ANKMY1: variants seen among roughly 807,000 people sequenced by gnomAD.
ANKMY1 encodes the protein ankyrin repeat and MYND domain containing 1, also known as ankyrin repeat and MYND domain-containing protein 1.
ANKMY1 carries 98 observed loss-of-function variants against 102.0 expected under a neutral mutation model. The ratio of observed to expected loss-of-function variants is 0.96; its 90% CI spans 0.82 to 1.14. The LOEUF is 1.14. Among genes scored for constraint, ANKMY1 ranks in the 50% most tolerant of loss-of-function variants. The probability of loss-of-function intolerance (pLI) is 0.00; values close to 1 mark genes in which losing one functional copy is unlikely to be tolerated. For missense variants in ANKMY1, 1,330 were observed against 1,347.6 expected (o/e 0.99, Z 0.20); for synonymous variants, 582 against 559.9 (o/e 1.04, Z -0.56).
chr2:240,517,047 C>G (rs1299204555), intron 9 of ANKMY1, among the ~76,000 whole-genome samples: 1 of 152,206 alleles, frequency 6.6e-6, no homozygotes, highest in Non-Finnish European at 1.5e-5. Context: ...GTCTTCCTGA[C>G]TTCTCCAGAA....
the ANKMY1 span, among the ~76,000 whole-genome samples, chr2:240,471,856 C>T: frequency 6.6e-6 from 1 of 152,138 alleles, no homozygotes; most frequent in South Asian, 2.1e-4. Context: ...ATGGCCTCAT[C>T]CCCCTATGGA....
intron 5 of ANKMY1, chr2:240,526,755 T>C (rs2083527057): frequency 3.9e-6 from 5 of 1,292,068 alleles, no homozygotes; most frequent in Non-Finnish European, 5.0e-6. Flanking sequence ...TGCTAAGAAA[T>C]GGGCTGTAAC....
chr2:240,547,965 G>A (rs900643118), intron 4 of ANKMY1, among the ~76,000 whole-genome samples: 15 of 133,964 alleles, frequency 1.1e-4, no homozygotes, highest in Non-Finnish European at 1.6e-4. Context: ...TCCTTCTGAA[G>A]CTATTCGAAT....
chr2:240,484,592 T>TA (rs949771498), intron 15 of ANKMY1, among the ~76,000 whole-genome samples: 1 of 152,078 alleles, frequency 6.6e-6, no homozygotes, highest in African/African-American at 2.4e-5. Context: ...CCTAAAGCCA[T>TA]AAAAACGCTA....
chr2:240,544,118 C>A (rs11694894), intron 4 of ANKMY1, among the ~76,000 whole-genome samples: 19,760 of 151,924 alleles, frequency 0.13, 1,363 homozygotes, highest in Middle Eastern at 0.17. Flanking sequence ...AGAAAGGAAC[C>A]AGTAAGTAGG....
upstream of ANKMY1, chr2:240,560,471 T>C: frequency 2.9e-6 from 2 of 682,276 alleles, no homozygotes; most frequent in Non-Finnish European, 2.1e-6. Context: ...GGCCCAAACC[T>C]CCCGCCATGC....
In ANKMY1 at chr2:240,529,171, G is replaced by T; in HGVS notation, c.819C>A (p.Ser273Arg). The change falls in exon 5 of 18, where the codon AGC becomes AGA. Residue 273 changes from serine (S) to arginine (R), a missense_variant. Physicochemically the swap from Ser to Arg is moderately radical, Grantham distance 110. Coordinates refer to ENST00000401804, the MANE Select transcript of ANKMY1 (RefSeq NM_001282771.3). This position sits in a 1 kb window ranked among gnomAD's most constrained non-coding sequence, Gnocchi z 4.2. ...STNSDHLPMT[S>R]SFRKELDARI... ...GGGCGTCCAGCTCTTTGCGGAAAGAGCTTGTCATGGGCAGGTGGTCACTGT... is the reference window on the plus strand; with the variant it reads ...GGGCGTCCAGCTCTTTGCGGAAAGATCTTGTCATGGGCAGGTGGTCACTGT... The T allele has an allele frequency of 6.2e-7, 1 of 1,614,168 alleles. No homozygotes were observed. The highest frequency in any genetic ancestry group is 1.1e-5 in the South Asian group (1 of 91,082).
chr2:240,508,374 A>T (rs1466138056), intron 12 of ANKMY1, among the ~76,000 whole-genome samples: 1 of 152,234 alleles, frequency 6.6e-6, no homozygotes, highest in Non-Finnish European at 1.5e-5. Context: ...TCCGTGCAGG[A>T]GAGAAGAAAG....
intron 4 of ANKMY1, among the ~76,000 whole-genome samples, chr2:240,541,741 A>G (rs2088883189): frequency 6.6e-6 from 1 of 151,502 alleles, no homozygotes; most frequent in Non-Finnish European, 1.5e-5. Context: ...TGACCTCGTG[A>G]TCCACCTGCC....
chr2:240,481,661 T>C (rs2151836365), intron 16 of ANKMY1, among the ~76,000 whole-genome samples: 1 of 152,202 alleles, frequency 6.6e-6, no homozygotes, highest in South Asian at 2.1e-4. Flanking sequence ...TGCCCTCTCA[T>C]CTCAGAGGGG....
At chr2:240,514,550 T>A (rs1348771914) in intron 9 of ANKMY1, among the ~76,000 whole-genome samples, 1 of 152,166 alleles carries the variant, frequency 6.6e-6, no homozygotes, top group Non-Finnish European at 1.5e-5. Flanking sequence ...ATCTAGCTAA[T>A]CTATTATTCA....
intron 9 of ANKMY1, among the ~76,000 whole-genome samples, chr2:240,516,150 G>GTT (rs386393036): frequency 0.43 from 61,992 of 145,020 alleles, 14,094 homozygotes; most frequent in East Asian, 0.71. Flanking sequence ...TTTTTGTGGG[G>GTT]TTTTTTTTTT....
intron 4 of ANKMY1, among the ~76,000 whole-genome samples, chr2:240,547,690 G>A (rs369121948): frequency 1.3e-5 from 2 of 148,676 alleles, no homozygotes; most frequent in African/African-American, 2.5e-5. Flanking sequence ...TATCACCACC[G>A]ATCCCACAGA....
chr2:240,475,887 T>A (rs1282523012), downstream of ANKMY1, among the ~76,000 whole-genome samples: 1 of 152,176 alleles, frequency 6.6e-6, no homozygotes, highest in Non-Finnish European at 1.5e-5. Flanking sequence ...TTTATGTTCA[T>A]GGATTGGAAG....
rs1478773640 is a variant in ANKMY1, at chr2:240,525,994, G to T, written c.1171-145C>A. 35 of 1,121,118 alleles carry T rather than the reference G, an allele frequency of 3.1e-5. No individual in the cohort carries two copies. The Middle Eastern group carries it at 7.7e-4, about 25-fold the overall frequency. The allele number at this position is 1,121,118 out of a possible 1,614,324, so 69.4% of individuals were successfully genotyped here. On this transcript the variant is annotated intron_variant, in intron 6 of 17. Coordinates refer to ENST00000401804, the MANE Select transcript of ANKMY1 (RefSeq NM_001282771.3). ...ATTCGGGAGCTTGGCAAAGGGACAAGTGTGGGACAGAGGAATGGAACAGGC... is the reference window on the plus strand; with the variant it reads ...ATTCGGGAGCTTGGCAAAGGGACAATTGTGGGACAGAGGAATGGAACAGGC...
chr2:240,544,874 G>C (rs542848553), intron 4 of ANKMY1, among the ~76,000 whole-genome samples: 6 of 152,296 alleles, frequency 3.9e-5, no homozygotes, highest in Admixed American at 6.5e-5. Flanking sequence ...ACGGAGTCTC[G>C]CTGATTGCTA....
chr2:240,520,074 C>T lies in ANKMY1; in HGVS notation c.2004+288G>A. ...ATATAAGTCTCCCCTTTCCAAGGGG[C>T]CTTCAGGATGCGCTTCCCCTTAGTT... On this transcript the variant is annotated intron_variant, in intron 9 of 17. Coordinates refer to ENST00000401804, the MANE Select transcript of ANKMY1 (RefSeq NM_001282771.3). The surrounding 1 kb of genome is among the most constrained non-coding windows in gnomAD (Gnocchi z 4.8). 1 of 615,650 alleles carries T rather than the reference C, an allele frequency of 1.6e-6. No homozygotes were observed. Among genetic ancestry groups the T allele is most frequent in the Non-Finnish European group, 3.1e-6 (1 of 320,242 alleles). The allele number at this position is 615,650 out of a possible 1,614,324, so 38.1% of individuals were successfully genotyped here. A position where few individuals can be genotyped will look rare whatever the true frequency, so the allele number is the denominator to read the frequency against.
chr2:240,497,110 C>T (rs996130553), intron 15 of ANKMY1, among the ~76,000 whole-genome samples: 5 of 151,398 alleles, frequency 3.3e-5, no homozygotes, highest in South Asian at 2.1e-4. Context: ...GCCACCTCCT[C>T]GCCATCTTGG....
At chr2:240,514,081 A>G (rs573344672) in intron 9 of ANKMY1, among the ~76,000 whole-genome samples, 2 of 152,328 alleles carry the variant, frequency 1.3e-5, no homozygotes, top group Admixed American at 1.3e-4. Flanking sequence ...CCCTCCTTAC[A>G]TGTTATGTCA....
Sources: gnomAD v4.1 joint callset for allele counts (sites outside exome capture counted in the v4.1 genomes callset) on GRCh38, gnomAD v4.1.1 for gene constraint, Gnocchi (gnomAD v3.1) non-coding constraint, MANE v1.5 for transcripts, NCBI Gene and HGNC (gene_info 2026-07-23, HGNC 2026-07-21) for gene names.